Variants in CEP112 observed in about 807,000 individuals in gnomAD.
CEP112 encodes centrosomal protein 112, also known as centrosomal protein of 112 kDa.
In CEP112, 127 loss-of-function variants were observed where a neutral mutation model predicts 153.0. The ratio of observed to expected loss-of-function variants is 0.83; its 90% CI spans 0.72 to 0.96. CEP112 has a LOEUF of 0.96. Ranked by LOEUF, CEP112 falls within the 40% of genes least tolerant of loss-of-function variation. The pLI is 0.00. For synonymous variants in CEP112, 358 were observed against 374.4 expected, an observed-to-expected ratio of 0.96 and a Z score of 0.51; for missense variants, 1,089 against 1,101.2, an observed-to-expected ratio of 0.99 and a Z score of 0.16.
chr17:66,143,190 A>G (rs1414699150), intron 4 of CEP112, among the ~76,000 whole-genome samples: 1 of 152,232 alleles, frequency 6.6e-6, no homozygotes, highest in African/African-American at 2.4e-5. Context: ...AGCAGGGTCC[A>G]GAGATATATT....
At chr17:65,825,473 G>C (rs531664826) in intron 21 of CEP112, among the ~76,000 whole-genome samples, 39 of 152,206 alleles carry the variant, frequency 2.6e-4, no homozygotes, top group Non-Finnish European at 5.0e-4. Context: ...CCAGGGGCTG[G>C]GGACCCCTGC....
chr17:65,879,605 T>C (rs2058981329), intron 20 of CEP112, among the ~76,000 whole-genome samples: 1 of 151,812 alleles, frequency 6.6e-6, no homozygotes, highest in African/African-American at 2.4e-5. Flanking sequence ...CTATGAAAGA[T>C]AAACAGAAAA....
At chr17:65,777,092 G>A (rs1395511115) in intron 21 of CEP112, among the ~76,000 whole-genome samples, 7 of 152,094 alleles carry the variant, frequency 4.6e-5, no homozygotes, top group East Asian at 1.9e-4. Context: ...TCATGTGACC[G>A]CATTTAGGTG....
At chr17:66,013,163 A>G (rs543029750) in intron 16 of CEP112, among the ~76,000 whole-genome samples, 54 of 152,272 alleles carry the variant, frequency 3.5e-4, no homozygotes, top group African/African-American at 1.3e-3. Flanking sequence ...TTGGGTTTCA[A>G]CATTCCCCTG....
intron 24 of CEP112, among the ~76,000 whole-genome samples, chr17:65,668,063 A>G (rs1360935898): frequency 2.6e-5 from 4 of 151,930 alleles, no homozygotes; most frequent in Admixed American, 1.3e-4. Context: ...TGCCTGGATA[A>G]TTTTCGTATT....
At chr17:65,959,056 C>T (rs2062102474) in intron 18 of CEP112, among the ~76,000 whole-genome samples, 1 of 152,040 alleles carries the variant, frequency 6.6e-6, no homozygotes, top group Non-Finnish European at 1.5e-5. Context: ...AGCAACTCAT[C>T]CCAGGGCCTA....
intron 18 of CEP112, among the ~76,000 whole-genome samples, chr17:65,936,541 A>T (rs2061312760): frequency 6.6e-6 from 1 of 152,186 alleles, no homozygotes; most frequent in Non-Finnish European, 1.5e-5. Flanking sequence ...CAATAAAAAA[A>T]CAAAACCCAG....
intron 17 of CEP112, among the ~76,000 whole-genome samples, chr17:66,004,434 T>C (rs1354459244): frequency 1.3e-5 from 2 of 152,130 alleles, no homozygotes; most frequent in African/African-American, 4.8e-5. Flanking sequence ...GAGGGTGCAG[T>C]GAGCCGAGAT....
intron 23 of CEP112, among the ~76,000 whole-genome samples, chr17:65,722,185 T>C (rs146979404): frequency 5.3e-5 from 8 of 152,250 alleles, no homozygotes; most frequent in Admixed American, 1.3e-4. Flanking sequence ...GGGCTTAAGA[T>C]TTTCATTTTT....
chr17:65,714,544 G>A (rs973682112), intron 23 of CEP112, among the ~76,000 whole-genome samples: 2 of 151,786 alleles, frequency 1.3e-5, no homozygotes, highest in Non-Finnish European at 2.9e-5. Flanking sequence ...ACCTAGCATC[G>A]CTTTCCCCAG....
intron 21 of CEP112, among the ~76,000 whole-genome samples, chr17:65,825,297 G>T (rs905687858): frequency 1.3e-5 from 2 of 152,134 alleles, no homozygotes; most frequent in African/African-American, 4.8e-5. Context: ...CAGCCTTTTT[G>T]GTGCAGGTTT....
intron 8 of CEP112, among the ~76,000 whole-genome samples, chr17:66,075,019 T>C (rs1476727665): frequency 6.6e-6 from 1 of 152,016 alleles, no homozygotes; most frequent in Admixed American, 6.6e-5. Context: ...AAAATTCAGA[T>C]GACTTAACTC....
intron 21 of CEP112, among the ~76,000 whole-genome samples, chr17:65,773,558 A>G (rs1298975214): frequency 6.6e-6 from 1 of 152,244 alleles, no homozygotes; most frequent in Non-Finnish European, 1.5e-5. Flanking sequence ...ACTTCAATAA[A>G]GATGGGTTTT....
intron 24 of CEP112, among the ~76,000 whole-genome samples, chr17:65,669,702 G>C (rs1463655349): frequency 6.6e-6 from 1 of 152,146 alleles, no homozygotes; most frequent in Non-Finnish European, 1.5e-5. Context: ...AGGAGATCGA[G>C]ACCATCCTGG....
chr17:65,875,884 A>T (rs1342332576), intron 20 of CEP112, among the ~76,000 whole-genome samples: 1 of 152,168 alleles, frequency 6.6e-6, no homozygotes, highest in Non-Finnish European at 1.5e-5. Context: ...CAAAATGTGA[A>T]ATTTAATACG....
rs547697191 is a variant in CEP112 at position 65,868,389 on chromosome 17, A to G, written c.2164-16355T>C. The stretch of plus-strand genomic sequence containing the variant: ...GTGCTGGACACCTGTAATTCCAGGT[A>G]CTCGAGAGGCTGAGGCAGGAGAAAC... On this transcript the variant is annotated intron_variant, in intron 20 of 26. Coordinates refer to ENST00000535342, the MANE Select transcript of CEP112 (RefSeq NM_001199165.4). Among the ~76,000 whole-genome samples the G allele has an allele frequency of 2.6e-5, 4 of 152,158 alleles. No individual in the cohort carries two copies. The East Asian group carries it at 7.7e-4, about 29-fold the overall frequency.
chr17:66,028,197 A>G, intron 15 of CEP112, 116 bp downstream of exon 15: 7 of 622,730 alleles, frequency 1.1e-5, no homozygotes, highest in South Asian at 1.1e-4. Context: ...TAAAAGAATC[A>G]GAAAAGATGA....
At chr17:65,979,320 T>G (rs1468555996) in intron 17 of CEP112, among the ~76,000 whole-genome samples, 1 of 152,100 alleles carries the variant, frequency 6.6e-6, no homozygotes, top group Non-Finnish European at 1.5e-5. Context: ...CAGTTCACTA[T>G]AACCTCAAAC....
intron 20 of CEP112, among the ~76,000 whole-genome samples, chr17:65,888,083 A>G (rs1311104570): frequency 6.6e-6 from 1 of 151,118 alleles, no homozygotes; most frequent in Non-Finnish European, 1.5e-5. Context: ...CGGCAATATC[A>G]CTCTTCCTTC....
Sources: allele counts gnomAD v4.1 joint callset (sites outside exome capture counted in the v4.1 genomes callset), GRCh38; gene constraint gnomAD v4.1.1; transcripts MANE v1.5; gene names NCBI Gene and HGNC (gene_info 2026-07-23, HGNC 2026-07-21).